USP7: variants seen among roughly 807,000 people sequenced by gnomAD.
USP7 encodes ubiquitin specific peptidase 7, also known as ubiquitin C-terminal hydrolase 7.
Under a neutral mutation model 162.9 loss-of-function variants are expected in USP7, and 9 were observed. That is an observed-to-expected ratio of 0.06 (90% confidence interval 0.03 to 0.10). The LOEUF is 0.10. Among genes scored for constraint, USP7 ranks in the 10% least tolerant of loss-of-function variants. The pLI, the probability that USP7 is intolerant of heterozygous loss-of-function variation, is 1.00. For synonymous variants in USP7, 562 were observed against 475.9 expected, an observed-to-expected ratio of 1.18 and a Z score of -2.35; for missense variants, 715 against 1,373.7, an observed-to-expected ratio of 0.52 and a Z score of 7.58.
chr16:8,944,588 T>C (rs2141253405), intron 1 of USP7, among the ~76,000 whole-genome samples: 1 of 152,326 alleles, frequency 6.6e-6, no homozygotes, highest in Middle Eastern at 3.4e-3. Flanking sequence ...GGTTCCTTTA[T>C]TTGAATAAAA....
At chr16:8,894,396 T>A (rs947594869) in intron 30 of USP7, among the ~76,000 whole-genome samples, 154 bp downstream of exon 30, 2 of 152,122 alleles carry the variant, frequency 1.3e-5, no homozygotes, top group South Asian at 2.1e-4. Flanking sequence ...TAAGAACTCG[T>A]AGGTTATGGA....
chr16:8,904,513 C>T lies in USP7; in HGVS notation c.1626G>A (p.Glu542=). 1 of 1,614,208 alleles carries T rather than the reference C, an allele frequency of 6.2e-7. No individual in the cohort carries two copies. The part of the protein sequence containing the change: ...TDHDIPQQLV[E]RLQEEKRIEA... ...CGATCCTTTTCTCTTCTTGTAATCG[C>T]TCCACCAACTGCTGAGGAATATCAT... Residue 542 remains glutamate (E), a synonymous_variant, in exon 15 of 31, where the codon GAG becomes GAA. Coordinates refer to ENST00000344836, the MANE Select transcript of USP7 (RefSeq NM_003470.3).
At chr16:8,961,036 T>G (rs1899985837) in intron 1 of USP7, among the ~76,000 whole-genome samples, 1 of 152,194 alleles carries the variant, frequency 6.6e-6, no homozygotes, top group African/African-American at 2.4e-5. Context: ...CCATCCAATT[T>G]GAGATTCTGC....
rs1352164983 is a variant in USP7, at chr16:8,963,701, C to T, written c.-416G>A. 7.1e-5 allele frequency among the ~76,000 whole-genome samples: 10 copies of T among 141,608 alleles called. No individual in the cohort carries two copies. Among genetic ancestry groups the T allele is most frequent in the Non-Finnish European group, 1.4e-4 (9 of 64,322 alleles). 92.9% of individuals were successfully genotyped at this position (141,608 alleles called of 152,430 possible). Reference sequence around the variant, plus strand: ...AGTCAGCCCCGCCTCGGGCCGGGCGCGGCGGACGGGAGGCCTGGCCGGCCG... The same window carrying T: ...AGTCAGCCCCGCCTCGGGCCGGGCGTGGCGGACGGGAGGCCTGGCCGGCCG... On this transcript the variant is annotated 5_prime_UTR_variant, in exon 1 of 31. Transcript: ENST00000344836.
Position 8,924,019 on chromosome 16 carries a change from G to A in USP7, c.185-606C>T, listed in dbSNP as rs1460154207. Among the ~76,000 whole-genome samples, 3 of 151,238 alleles carry A rather than the reference G, an allele frequency of 2.0e-5. No homozygotes were observed. The East Asian group carries it at 5.8e-4, about 29-fold the overall frequency. Reference sequence around the variant, plus strand: ...CTAGGGGGAATAATTTTTTTTTTAAGAACTGGTATTTTTTCCCACATGAGT... The same window carrying A: ...CTAGGGGGAATAATTTTTTTTTTAAAAACTGGTATTTTTTCCCACATGAGT... On this transcript the variant is annotated intron_variant, in intron 2 of 30. Coordinates refer to ENST00000344836, the MANE Select transcript of USP7 (RefSeq NM_003470.3).
In USP7 at chr16:8,937,186, G is replaced by T. The variant is rs546818746; in HGVS notation, c.80-6789C>A. ...AGGCAGGAAGATCCCTTTAGCCTGG[G>T]CAACACAGTGAGACTCTGTCTTTTT... On this transcript the variant is annotated intron_variant, in intron 1 of 30. Transcript: ENST00000344836. 4.0e-5 allele frequency among the ~76,000 whole-genome samples: 6 copies of T among 148,456 alleles called. No individual in the cohort carries two copies. The South Asian group carries it at 1.3e-3, about 33-fold the overall frequency.
At chr16:8,960,900 T>G (rs779111358) in intron 1 of USP7, among the ~76,000 whole-genome samples, 2 of 152,190 alleles carry the variant, frequency 1.3e-5, no homozygotes, top group South Asian at 4.1e-4. Context: ...CTATTATTTG[T>G]CCACAGCCTC....
intron 25 of USP7, 141 bp from the exon 26 acceptor site, chr16:8,897,240 A>C: frequency 4.6e-6 from 3 of 655,176 alleles, no homozygotes; most frequent in Non-Finnish European, 5.4e-6. Flanking sequence ...TTCCCACCCC[A>C]ACTCCCTCAT....
At chr16:8,947,503 A>T (rs1311271796) in intron 1 of USP7, among the ~76,000 whole-genome samples, 1 of 152,062 alleles carries the variant, frequency 6.6e-6, no homozygotes, top group East Asian at 1.9e-4. Context: ...ATGCACCACC[A>T]CACCCAGCTA....
At chr16:8,950,931 T>A (rs959511355) in intron 1 of USP7, among the ~76,000 whole-genome samples, 15 of 152,208 alleles carry the variant, frequency 9.9e-5, no homozygotes, top group Admixed American at 6.5e-5. Flanking sequence ...GAACCTCATG[T>A]ACAATTGGTG....
At chr16:8,908,572 A>G (rs2061895388) in intron 11 of USP7, 122 bp from the exon 12 acceptor site, 4 of 748,478 alleles carry the variant, frequency 5.3e-6, no homozygotes, top group Non-Finnish European at 8.7e-6. Flanking sequence ...AAGGCAGGGA[A>G]GTTTAGGTGT....
At chr16:8,927,440 T>C (rs1249796511) in intron 2 of USP7, among the ~76,000 whole-genome samples, 1 of 152,346 alleles carries the variant, frequency 6.6e-6, no homozygotes, top group East Asian at 1.9e-4. Flanking sequence ...ACTTCTGCTC[T>C]TCATTCTAAT....
intron 6 of USP7, among the ~76,000 whole-genome samples, chr16:8,917,676 G>C (rs984096017): frequency 6.6e-6 from 1 of 152,148 alleles, no homozygotes; most frequent in African/African-American, 2.4e-5. Context: ...ACCGCACCCA[G>C]CCTCACCCAT....
intron 2 of USP7, among the ~76,000 whole-genome samples, chr16:8,923,839 G>A (rs930169960): frequency 4.6e-5 from 7 of 152,152 alleles, no homozygotes; most frequent in African/African-American, 7.2e-5. Flanking sequence ...TACAGAGCAC[G>A]GAACACACAG....
intron 1 of USP7, among the ~76,000 whole-genome samples, chr16:8,950,788 T>A (rs931016383): frequency 2.6e-5 from 4 of 152,196 alleles, no homozygotes; most frequent in Admixed American, 2.6e-4. Flanking sequence ...ATGCATGTCT[T>A]CCCCAGGCAC....
rs1219502323 is a variant in USP7 at position 8,930,377 on chromosome 16, G to A, written c.100C>T (p.Pro34Ser). 4 of 1,610,988 alleles carry A rather than the reference G, an allele frequency of 2.5e-6. No homozygotes were observed. The highest frequency in any genetic ancestry group is 1.3e-5 in the African/African-American group (1 of 74,684). The change falls in exon 2 of 31, where the codon CCA becomes TCA. Residue 34 changes from proline to serine, a missense_variant. Physicochemically the swap from Pro to Ser is moderately conservative, Grantham distance 74. Around this residue, in one of 11 missense-constraint regions of USP7, gnomAD observed 137 missense variants for 123.5 expected, o/e 1.11. Coordinates refer to ENST00000344836, the MANE Select transcript of USP7 (RefSeq NM_003470.3). ...EMEAGDTDDP[P>S]RITQNPVING... Reference sequence around the variant, plus strand: ...ATCACAGGGTTCTGAGTAATTCTTGGTGGGTCATCTGTATCTCCCGCTTTA... The same window carrying A: ...ATCACAGGGTTCTGAGTAATTCTTGATGGGTCATCTGTATCTCCCGCTTTA...
intron 1 of USP7, among the ~76,000 whole-genome samples, chr16:8,945,593 T>G (rs1236797425): frequency 2.0e-5 from 3 of 152,166 alleles, no homozygotes; most frequent in Non-Finnish European, 2.9e-5. Flanking sequence ...GGACATACCG[T>G]GCCCATGGAG....
chr16:8,962,643 G>A (rs1283173827), intron 1 of USP7: 3 of 260,526 alleles, frequency 1.2e-5, no homozygotes, highest in East Asian at 9.7e-5. Context: ...TCAGAACTCT[G>A]GGCCAGTCCA....
intron 1 of USP7, among the ~76,000 whole-genome samples, chr16:8,961,221 G>C (rs60556906): frequency 6.6e-6 from 1 of 151,988 alleles, no homozygotes; most frequent in South Asian, 2.1e-4. Context: ...GGCCAGGCGC[G>C]ATGGCTCACA....
Sources: gnomAD v4.1 joint callset for allele counts (sites outside exome capture counted in the v4.1 genomes callset) on GRCh38, gnomAD v4.1.1 for gene constraint, gnomAD v4.1.1 regional missense constraint, MANE v1.5 for transcripts, NCBI Gene and HGNC (gene_info 2026-07-23, HGNC 2026-07-21) for gene names.